The following UTRN variants were observed in gnomAD, a reference collection of about 807,000 sequenced individuals.
The protein encoded by UTRN is dystrophin-related protein 1.
In UTRN, 283 loss-of-function variants were observed where a neutral mutation model predicts 463.9. That is an observed-to-expected ratio of 0.61 (90% confidence interval 0.55 to 0.67). UTRN has a LOEUF of 0.67. Among genes scored for constraint, UTRN ranks in the 30% least tolerant of loss-of-function variants. The pLI, the probability that UTRN is intolerant of heterozygous loss-of-function variation, is 0.00. For synonymous variants in UTRN, 1,442 were observed against 1,431.5 expected (o/e 1.01, Z -0.17); for missense variants, 3,922 against 4,084.3 (o/e 0.96, Z 1.08).
intron 2 of UTRN, among the ~76,000 whole-genome samples, chr6:144,389,954 G>A (rs1781765162): frequency 6.6e-6 from 1 of 152,094 alleles, no homozygotes; most frequent in South Asian, 2.1e-4. Context: ...TGGGGGTGGG[G>A]GACTTGGAGT....
chr6:144,355,852 T>C (rs945410831), intron 2 of UTRN, among the ~76,000 whole-genome samples: 6 of 152,214 alleles, frequency 3.9e-5, no homozygotes, highest in Non-Finnish European at 7.3e-5. Context: ...TTAAAGGCTT[T>C]AAGAGTTATT....
intron 19 of UTRN, 146 bp downstream of exon 19, chr6:144,454,015 A>T (rs1349913029): frequency 1.5e-6 from 1 of 673,180 alleles, no homozygotes; most frequent in Non-Finnish European, 2.4e-6. Context: ...TAGGCAGCAG[A>T]ATCTTTAAAA....
At chr6:144,600,852 T>G (rs1585496056) in intron 51 of UTRN, among the ~76,000 whole-genome samples, 1 of 152,142 alleles carries the variant, frequency 6.6e-6, no homozygotes, top group East Asian at 1.9e-4. Flanking sequence ...CTTCGAAGCT[T>G]CAAATGACAA....
chr6:144,579,367 A>T (rs1364071655), intron 51 of UTRN, among the ~76,000 whole-genome samples: 2 of 140,766 alleles, frequency 1.4e-5, no homozygotes, highest in Non-Finnish European at 3.0e-5. Flanking sequence ...AAATGCTCAC[A>T]GTTAGTTAAC....
intron 51 of UTRN, among the ~76,000 whole-genome samples, chr6:144,645,510 T>A (rs542517374): frequency 1.1e-4 from 16 of 152,316 alleles, no homozygotes; most frequent in African/African-American, 3.8e-4. Context: ...GAAATAGGAT[T>A]CACGTCATAA....
At chr6:144,728,986 A>C (rs746031129) in intron 53 of UTRN, among the ~76,000 whole-genome samples, 1 of 152,156 alleles carries the variant, frequency 6.6e-6, no homozygotes, top group African/African-American at 2.4e-5. Flanking sequence ...TATGCTTACC[A>C]TGTTATGACT....
In UTRN at chr6:144,775,605, G is replaced by C. The variant is rs117347031; in HGVS notation, c.8632+1241G>C. Among the ~76,000 whole-genome samples the C allele has an allele frequency of 1.3e-3, 197 of 152,284 alleles. 4 individuals are homozygous for C. The East Asian group carries it at 0.032, about 25-fold the overall frequency. On this transcript the variant is annotated intron_variant, in intron 60 of 74. Transcript: ENST00000367545. ...CACACAAAAGGGATGTTTGGTCTGC[G>C]CAGGAGTCCATGGTGACAGCAGTTT...
intron 9 of UTRN, among the ~76,000 whole-genome samples, chr6:144,431,310 G>C (rs986968759): frequency 6.6e-6 from 1 of 152,192 alleles, no homozygotes. Flanking sequence ...GCTCAGCGTG[G>C]CATGATAAGA....
At chr6:144,299,431 T>C (rs2473139) in intron 2 of UTRN, among the ~76,000 whole-genome samples, 22,845 of 152,206 alleles carry the variant, frequency 0.15, 2,306 homozygotes, top group African/African-American at 0.28. Flanking sequence ...TTTCATGATG[T>C]TGGGCATTTT....
chr6:144,686,969 TA>T (rs1487500069), intron 52 of UTRN, among the ~76,000 whole-genome samples: 1 of 152,172 alleles, frequency 6.6e-6, no homozygotes, highest in Non-Finnish European at 1.5e-5. Context: ...GTTATTGTTT[TA>T]TAGACCCAGT....
intron 51 of UTRN, among the ~76,000 whole-genome samples, chr6:144,623,403 A>G (rs569114712): frequency 1.3e-5 from 2 of 152,342 alleles, no homozygotes; most frequent in Admixed American, 1.3e-4. Flanking sequence ...TGACAGTGAT[A>G]GTAAGAGTTA....
At chr6:144,584,652 A>G (rs78643457) in intron 51 of UTRN, among the ~76,000 whole-genome samples, 3,762 of 152,072 alleles carry the variant, frequency 0.025, 158 homozygotes, top group African/African-American at 0.084. Flanking sequence ...AATTTGGCCA[A>G]TTAGATATAT....
In UTRN at chr6:144,435,916, C is replaced by G; in HGVS notation, c.856-19C>G. 6.2e-7 allele frequency: 1 copy of G among 1,611,748 alleles called. No individual in the cohort carries two copies. Among genetic ancestry groups the G allele is most frequent in the Non-Finnish European group, 8.5e-7 (1 of 1,179,346 alleles). ...GCTTTGATGATTAGTGTGGGTTTTTCTTGGCTTTGTTTTTACAGAGTACAG... is the reference window on the plus strand; with the variant it reads ...GCTTTGATGATTAGTGTGGGTTTTTGTTGGCTTTGTTTTTACAGAGTACAG... On this transcript the variant is annotated intron_variant, in intron 9 of 74. Coordinates refer to ENST00000367545, the MANE Select transcript of UTRN (RefSeq NM_007124.3).
chr6:144,764,418 G>T (rs9497073), intron 58 of UTRN, among the ~76,000 whole-genome samples: 2,529 of 152,210 alleles, frequency 0.017, 69 homozygotes, highest in African/African-American at 0.058. Context: ...ACTGCCATTA[G>T]TCTACATATT....
chr6:144,808,998 A>G (rs953410798), intron 65 of UTRN, among the ~76,000 whole-genome samples: 20 of 152,028 alleles, frequency 1.3e-4, no homozygotes, highest in Non-Finnish European at 2.2e-4. Context: ...GGAGATAATG[A>G]TTTTATTTTC....
At position 144,479,847 on chromosome 6, in the gene UTRN, A is replaced by G. The variant is rs759306976; in HGVS notation, c.3372A>G (p.Gln1124=). 1.3e-5 allele frequency: 21 copies of G among 1,613,872 alleles called. No individual in the cohort carries two copies. Among genetic ancestry groups the G allele is most frequent in the Non-Finnish European group, 1.8e-5 (21 of 1,179,974 alleles). ...AAAAAAGTAGGTTGTCTGAAAGTCA[A>G]GAAAAAGCTGCGAACCTGAAGAAAG... ...ATQKSRLSES[Q]EKAANLKKDL... is the part of the protein sequence containing the mutation. The change falls in exon 26 of 75, where the codon CAA becomes CAG. Residue 1124 remains glutamine, a synonymous_variant. Coordinates refer to ENST00000367545, the MANE Select transcript of UTRN (RefSeq NM_007124.3).
At chr6:144,296,939 G>A (rs1804770066) in intron 2 of UTRN, among the ~76,000 whole-genome samples, 1 of 152,178 alleles carries the variant, frequency 6.6e-6, no homozygotes. Flanking sequence ...TCTAGTCTCT[G>A]TCATTCTCTG....
chr6:144,492,814 A>G (rs992526609), intron 32 of UTRN, among the ~76,000 whole-genome samples: 2 of 152,148 alleles, frequency 1.3e-5, no homozygotes, highest in South Asian at 2.1e-4. Context: ...TGTATTTTTT[A>G]TCATACAAAT....
At chr6:144,825,247 A>G (rs908379255) in intron 66 of UTRN, among the ~76,000 whole-genome samples, 2 of 152,192 alleles carry the variant, frequency 1.3e-5, no homozygotes, top group Non-Finnish European at 1.5e-5. Context: ...GTGATTGACA[A>G]AATCACCTGT....
Sources: gnomAD v4.1 joint callset for allele counts (sites outside exome capture counted in the v4.1 genomes callset) on GRCh38, gnomAD v4.1.1 for gene constraint, MANE v1.5 for transcripts, NCBI Gene and HGNC (gene_info 2026-07-23, HGNC 2026-07-21) for gene names.